The following DBT variants were observed in gnomAD, a reference collection of about 807,000 sequenced individuals.
DBT encodes dihydrolipoamide branched chain transacylase E2.
A neutral mutation model predicts 51.3 loss-of-function variants in DBT; 40 were observed. That is an observed-to-expected ratio of 0.78 (90% CI 0.61 to 1.02). The LOEUF (loss-of-function observed/expected upper bound fraction) is 1.02, where lower values mean the gene tolerates loss of function less well. DBT is among the 50% of genes least tolerant of loss of function. The pLI, the probability that DBT is intolerant of heterozygous loss-of-function variation, is 0.00. For synonymous variants in DBT, 181 were observed against 190.4 expected (o/e 0.95, Z 0.41); for missense variants, 510 against 580.2 (o/e 0.88, Z 1.24).
intron 4 of DBT, among the ~76,000 whole-genome samples, chr1:100,223,201 A>C (rs930908375): frequency 1.3e-5 from 2 of 152,162 alleles, no homozygotes; most frequent in Non-Finnish European, 2.9e-5. Context: ...AAAATTAATG[A>C]TTTCTCTCAA....
chr1:100,220,510 G>A (rs1037555111), intron 4 of DBT, among the ~76,000 whole-genome samples: 1 of 152,104 alleles, frequency 6.6e-6, no homozygotes, highest in Non-Finnish European at 1.5e-5. Context: ...ACTAGTCTAT[G>A]AATTGGCCCA....
At chr1:100,239,308 A>G (rs1465178338) in intron 2 of DBT, among the ~76,000 whole-genome samples, 1 of 152,198 alleles carries the variant, frequency 6.6e-6, no homozygotes, top group Admixed American at 6.6e-5. Context: ...CCAGCAACCC[A>G]AAGTTCCTAA....
chr1:100,211,060 A>G, intron 7 of DBT: 2 of 776,534 alleles, frequency 2.6e-6, no homozygotes, highest in South Asian at 1.4e-5. Flanking sequence ...TCCAAAGAAA[A>G]TGTCTAAATT....
rs1660988947 is a variant in DBT at position 100,194,615 on chromosome 1, G to A, written c.*1640C>T. The A allele has an allele frequency of 6.6e-6, 1 of 152,234 alleles. No homozygotes were observed. The highest frequency in any genetic ancestry group is 2.1e-4 in the South Asian group (1 of 4,818). The allele number at this position is 152,234 out of a possible 1,614,324, so 9.4% of individuals were successfully genotyped here. A position where few individuals can be genotyped will look rare whatever the true frequency, so the allele number is the denominator to read the frequency against. Reference sequence around the variant, plus strand: ...GCCACCTCGGCCTCCCAAAGTGCTGGGATTACAGGCGTGAGCCACCAGGCT... The same window carrying A: ...GCCACCTCGGCCTCCCAAAGTGCTGAGATTACAGGCGTGAGCCACCAGGCT... On this transcript the variant is annotated 3_prime_UTR_variant, in exon 11 of 11. Coordinates refer to ENST00000370132, the MANE Select transcript of DBT (RefSeq NM_001918.5).
intron 10 of DBT, among the ~76,000 whole-genome samples, chr1:100,201,263 G>A (rs893773655): frequency 1.3e-5 from 2 of 151,908 alleles, no homozygotes; most frequent in African/African-American, 4.8e-5. Context: ...GCATACACAA[G>A]TATCAATAGC....
At chr1:100,206,135 C>A (rs769427417) in intron 10 of DBT, 95 bp downstream of exon 10, 124 of 755,474 alleles carry the variant, frequency 1.6e-4, no homozygotes, top group Middle Eastern at 1.3e-3. Context: ...TTAAAACCTA[C>A]AAAAGGAGGG....
intron 10 of DBT, among the ~76,000 whole-genome samples, chr1:100,197,309 T>A (rs1661172447): frequency 6.6e-6 from 1 of 152,326 alleles, no homozygotes; most frequent in African/African-American, 2.4e-5. Context: ...CTGCAACTAC[T>A]TGTCTTTGAT....
At chr1:100,197,548 T>C (rs1324560470) in intron 10 of DBT, among the ~76,000 whole-genome samples, 1 of 152,098 alleles carries the variant, frequency 6.6e-6, no homozygotes, top group Non-Finnish European at 1.5e-5. Flanking sequence ...GAGTCATCAG[T>C]GTATAAATGG....
rs979999111 is a variant in DBT at position 100,192,722 on chromosome 1, T to C, written c.*3533A>G. Reference sequence around the variant, plus strand: ...CTCTAAAATATAAATTCATACCAATTTTAGCTTCCATCCTCAGACTTCCTT... The same window carrying C: ...CTCTAAAATATAAATTCATACCAATCTTAGCTTCCATCCTCAGACTTCCTT... On this transcript the variant is annotated 3_prime_UTR_variant, in exon 11 of 11. Coordinates refer to ENST00000370132, the MANE Select transcript of DBT (RefSeq NM_001918.5). 1 of 152,210 alleles carries C rather than the reference T, an allele frequency of 6.6e-6. No individual in the cohort carries two copies. Among genetic ancestry groups the C allele is most frequent in the African/African-American group, 2.4e-5 (1 of 41,450 alleles). 9.4% of individuals were successfully genotyped at this position (152,210 alleles called of 1,614,324 possible). A position where few individuals can be genotyped will look rare whatever the true frequency, so the allele number is the denominator to read the frequency against.
chr1:100,235,499 T>A lies in DBT; in HGVS notation c.188A>T (p.Gln63Leu). 6.3e-7 allele frequency: 1 copy of A among 1,583,760 alleles called. No homozygotes were observed. The highest frequency in any genetic ancestry group is 1.3e-5 in the African/African-American group (1 of 74,444). ...FLKTTAALRG[Q>L]VVQFKLSDIG... ...GTCTGAGAGCTTGAACTGAACAACC[T>A]GTCCACGGAGAGCTTCAAAGACAAA... Residue 63 changes from glutamine (Q) to leucine (L), a missense_variant, in exon 3 of 11, where the codon CAG becomes CTG. Transcript: ENST00000370132.
chr1:100,210,804 C>T, intron 7 of DBT, 33 bp from the exon 8 acceptor site: 1 of 1,610,370 alleles, frequency 6.2e-7, no homozygotes, highest in Non-Finnish European at 8.5e-7. Flanking sequence ...AATTTTAGTA[C>T]TTTTAACTTA....
chr1:100,211,035 C>CTG (rs1662107448), intron 7 of DBT: 5 of 768,472 alleles, frequency 6.5e-6, no homozygotes, highest in Non-Finnish European at 1.2e-5. Flanking sequence ...AATAATGATA[C>CTG]AGACCAGCCA....
intron 2 of DBT, among the ~76,000 whole-genome samples, chr1:100,238,842 G>A (rs1664052222): frequency 6.6e-6 from 1 of 152,146 alleles, no homozygotes. Flanking sequence ...AGATTCACAA[G>A]TCTTCAATGA....
At position 100,202,143 on chromosome 1, in the gene DBT, G is replaced by A. The variant is rs1289257163; in HGVS notation, c.1281+4087C>T. ...ATAAAGAGTCAAGACCCATCAATGT[G>A]CTGTATTCAGGAGACCCATCTCATG... On this transcript the variant is annotated intron_variant, in intron 10 of 10. Transcript: ENST00000370132. Among the ~76,000 whole-genome samples, 5 of 152,158 alleles carry A rather than the reference G, an allele frequency of 3.3e-5. No homozygotes were observed. In the East Asian group the frequency reaches 9.6e-4, roughly 29 times the overall value.
intron 7 of DBT, chr1:100,213,787 C>G: frequency 2.1e-6 from 3 of 1,452,578 alleles, no homozygotes; most frequent in Admixed American, 5.4e-5. Flanking sequence ...GAGGTGGGAC[C>G]GATGTGGCAC....
At chr1:100,200,980 CA>C (rs1256992868) in intron 10 of DBT, among the ~76,000 whole-genome samples, 4 of 152,072 alleles carry the variant, frequency 2.6e-5, no homozygotes, top group Non-Finnish European at 5.9e-5. Context: ...CTGAAAATGC[CA>C]AAAACCAGGA....
chr1:100,199,763 G>A (rs1661332244), intron 10 of DBT, among the ~76,000 whole-genome samples: 2 of 152,190 alleles, frequency 1.3e-5, no homozygotes, highest in Non-Finnish European at 2.9e-5. Flanking sequence ...GAAGCAGGAT[G>A]GGGCGTCGCC....
intron 4 of DBT, among the ~76,000 whole-genome samples, chr1:100,228,879 C>T (rs1335353967): frequency 1.3e-5 from 2 of 152,142 alleles, no homozygotes; most frequent in Non-Finnish European, 1.5e-5. Flanking sequence ...CCTACATGTA[C>T]ACATATGACC....
At chr1:100,235,693 A>G (rs926901771) in intron 2 of DBT, among the ~76,000 whole-genome samples, 182 bp from the exon 3 acceptor site, 7 of 152,214 alleles carry the variant, frequency 4.6e-5, no homozygotes. Flanking sequence ...TTAGAGATTT[A>G]AATAAATTAT....
Sources: allele counts gnomAD v4.1 joint callset (sites outside exome capture counted in the v4.1 genomes callset), GRCh38; gene constraint gnomAD v4.1.1; transcripts MANE v1.5; gene names NCBI Gene and HGNC (gene_info 2026-07-23, HGNC 2026-07-21).